KCNH5: variants seen among roughly 807,000 people sequenced by gnomAD.
The protein encoded by KCNH5 is potassium voltage-gated channel subfamily H member 5.
KCNH5 carries 46 observed loss-of-function variants against 96.1 expected under a neutral mutation model. That is an observed-to-expected ratio of 0.48 (90% CI 0.38 to 0.61). KCNH5 has a LOEUF of 0.61. KCNH5 is among the 20% of genes least tolerant of loss of function. KCNH5 has a pLI of 0.00. For synonymous variants in KCNH5, 439 were observed against 449.8 expected, an observed-to-expected ratio of 0.98 and a Z score of 0.30; for missense variants, 907 against 1,225.8, an observed-to-expected ratio of 0.74 and a Z score of 3.88.
intron 10 of KCNH5, among the ~76,000 whole-genome samples, chr14:62,722,491 T>G (rs1360673265): frequency 6.6e-6 from 1 of 152,182 alleles, no homozygotes; most frequent in Admixed American, 6.5e-5. Flanking sequence ...TTCATTGGAC[T>G]TAAGGACTAG....
chr14:63,027,852 C>T (rs567257723), intron 1 of KCNH5, among the ~76,000 whole-genome samples: 3 of 152,034 alleles, frequency 2.0e-5, no homozygotes, highest in South Asian at 4.1e-4. Context: ...TATTAAAGCT[C>T]ATAGTAAGAA....
At chr14:62,800,041 A>G (rs1344379340) in intron 9 of KCNH5, among the ~76,000 whole-genome samples, 1 of 151,434 alleles carries the variant, frequency 6.6e-6, no homozygotes, top group South Asian at 2.1e-4. Context: ...GTAAGTTACT[A>G]TTTTCCTCCT....
chr14:62,937,223 T>A (rs377735346), intron 7 of KCNH5, among the ~76,000 whole-genome samples: 2 of 152,094 alleles, frequency 1.3e-5, no homozygotes, highest in South Asian at 2.1e-4. Context: ...CAAACCCTCA[T>A]GTTTTGCTGG....
intron 7 of KCNH5, among the ~76,000 whole-genome samples, chr14:62,941,992 C>T (rs764402486): frequency 6.6e-6 from 1 of 152,156 alleles, no homozygotes; most frequent in Non-Finnish European, 1.5e-5. Context: ...AAACACTTCT[C>T]TTTCCAAAAG....
intron 6 of KCNH5, among the ~76,000 whole-genome samples, chr14:62,958,080 C>T (rs1002657490): frequency 4.6e-5 from 7 of 152,080 alleles, no homozygotes; most frequent in African/African-American, 1.2e-4. Flanking sequence ...ATAGATATCG[C>T]GTTAATAGAG....
chr14:62,776,561 A>T (rs753354349), intron 10 of KCNH5, among the ~76,000 whole-genome samples: 2 of 152,208 alleles, frequency 1.3e-5, no homozygotes, highest in Non-Finnish European at 1.5e-5. Flanking sequence ...CAAGCTGACT[A>T]AGACAGCTGC....
chr14:62,978,017 G>A (rs192877219), intron 6 of KCNH5, among the ~76,000 whole-genome samples: 3 of 152,278 alleles, frequency 2.0e-5, no homozygotes, highest in Admixed American at 6.5e-5. Flanking sequence ...AGACACTGAC[G>A]GGGAAGAGCC....
rs906591325 is a variant in KCNH5 at position 62,872,155 on chromosome 14, A to G, written c.1370-22303T>C. Reference sequence around the variant, plus strand: ...TCCTGGTCATTCATTCATTGATTCTACAAATATTCATTTGGTTTCTACTAC... The same window carrying G: ...TCCTGGTCATTCATTCATTGATTCTGCAAATATTCATTTGGTTTCTACTAC... On this transcript the variant is annotated intron_variant, in intron 7 of 10. Transcript: ENST00000322893. Among the ~76,000 whole-genome samples, 5 of 152,314 alleles carry G rather than the reference A, an allele frequency of 3.3e-5. No homozygotes were observed. The East Asian group carries it at 9.7e-4, about 29-fold the overall frequency.
At chr14:62,916,072 G>C (rs2883765) in intron 7 of KCNH5, among the ~76,000 whole-genome samples, 33,551 of 150,494 alleles carry the variant, frequency 0.22, 4,626 homozygotes, top group East Asian at 0.46. Flanking sequence ...CCTGCCTCAG[G>C]CTCCCGAGTA....
intron 6 of KCNH5, among the ~76,000 whole-genome samples, chr14:62,971,113 A>G (rs1016986802): frequency 1.3e-5 from 2 of 152,138 alleles, no homozygotes; most frequent in African/African-American, 4.8e-5. Context: ...ATCTATGTAG[A>G]AAATATGAAT....
intron 10 of KCNH5, among the ~76,000 whole-genome samples, chr14:62,761,219 G>A (rs1304012386): frequency 1.3e-5 from 2 of 151,264 alleles, no homozygotes; most frequent in East Asian, 1.9e-4. Context: ...GCTGGGTGTG[G>A]TGGCGGGCGC....
intron 6 of KCNH5, among the ~76,000 whole-genome samples, chr14:62,965,018 G>T (rs1890278990): frequency 6.6e-6 from 1 of 152,112 alleles, no homozygotes; most frequent in Non-Finnish European, 1.5e-5. Context: ...GGAAGGATTT[G>T]TGTGCTTGTT....
intron 10 of KCNH5, among the ~76,000 whole-genome samples, chr14:62,775,473 A>C (rs1216634684): frequency 1.3e-5 from 2 of 152,198 alleles, no homozygotes; most frequent in Non-Finnish European, 2.9e-5. Flanking sequence ...AGGACTAAGC[A>C]ACACTAGCCC....
At chr14:62,930,065 G>A (rs945872428) in intron 7 of KCNH5, among the ~76,000 whole-genome samples, 8 of 152,118 alleles carry the variant, frequency 5.3e-5, no homozygotes, top group Non-Finnish European at 8.8e-5. Flanking sequence ...CCATGTCTTT[G>A]TTATTGTAAA....
chr14:62,793,806 C>T (rs1886484313), intron 9 of KCNH5, among the ~76,000 whole-genome samples: 1 of 151,480 alleles, frequency 6.6e-6, no homozygotes, highest in South Asian at 2.1e-4. Flanking sequence ...GTAAGAGAGA[C>T]AGACCAAAAA....
chr14:62,789,832 T>C (rs1217648399), intron 9 of KCNH5, among the ~76,000 whole-genome samples: 2 of 151,952 alleles, frequency 1.3e-5, no homozygotes, highest in African/African-American at 4.8e-5. Flanking sequence ...TTTGCAAATA[T>C]ATTTCCCAGT....
At chr14:62,787,402 T>C (rs1886340554) in intron 9 of KCNH5, among the ~76,000 whole-genome samples, 1 of 152,102 alleles carries the variant, frequency 6.6e-6, no homozygotes, top group Non-Finnish European at 1.5e-5. Context: ...CTAGCAGAGA[T>C]TGGTTTATAA....
At chr14:62,958,753 A>C (rs1040728) in intron 6 of KCNH5, among the ~76,000 whole-genome samples, 21 of 151,860 alleles carry the variant, frequency 1.4e-4, no homozygotes, top group African/African-American at 4.4e-4. Flanking sequence ...TTTCTTCACA[A>C]CTGTATTATG....
chr14:62,894,472 C>A (rs1204858178), intron 7 of KCNH5, among the ~76,000 whole-genome samples: 1 of 152,200 alleles, frequency 6.6e-6, no homozygotes, highest in Non-Finnish European at 1.5e-5. Context: ...TGTATGTGTT[C>A]ATCTACCTCA....
Sources: allele counts gnomAD v4.1 joint callset (sites outside exome capture counted in the v4.1 genomes callset), GRCh38; gene constraint gnomAD v4.1.1; transcripts MANE v1.5; gene names NCBI Gene and HGNC (gene_info 2026-07-23, HGNC 2026-07-21).